CD36: variants seen among roughly 807,000 people sequenced by gnomAD.
CD36 encodes the protein CD36 molecule (CD36 blood group).
In CD36, 119 loss-of-function variants were observed where a neutral mutation model predicts 55.2. The ratio of observed to expected loss-of-function variants is 2.15; its 90% CI spans 1.86 to 2.51. The LOEUF (loss-of-function observed/expected upper bound fraction) is 2.51. Among genes scored for constraint, CD36 ranks in the 30% most tolerant of loss-of-function variants. The pLI is 0.00. For missense variants in CD36, 819 were observed against 555.5 expected, an observed-to-expected ratio of 1.47 and a Z score of -4.77; for synonymous variants, 186 against 193.6, an observed-to-expected ratio of 0.96 and a Z score of 0.33.
chr7:80,641,399 G>A (rs749512821), intron 1 of CD36, among the ~76,000 whole-genome samples: 1 of 151,982 alleles, frequency 6.6e-6, no homozygotes, highest in Non-Finnish European at 1.5e-5. Context: ...CTATACTCAT[G>A]CAAACCGTTG....
chr7:80,626,993 G>C (rs1793780250), intron 1 of CD36, among the ~76,000 whole-genome samples: 1 of 151,802 alleles, frequency 6.6e-6, no homozygotes, highest in Non-Finnish European at 1.5e-5. Flanking sequence ...TTTTATCACA[G>C]TCAATAGCAG....
At chr7:80,650,988 A>G (rs1795567568) in intron 3 of CD36, among the ~76,000 whole-genome samples, 1 of 152,120 alleles carries the variant, frequency 6.6e-6, no homozygotes. Flanking sequence ...GAAACTACCA[A>G]AGCACTGTGG....
chr7:80,645,683 C>G (rs765337921), intron 1 of CD36, among the ~76,000 whole-genome samples: 2 of 151,982 alleles, frequency 1.3e-5, no homozygotes, highest in Non-Finnish European at 2.9e-5. Context: ...ATTAGATTGA[C>G]AAATATATAC....
chr7:80,650,665 AATG>A (rs1201193647), intron 3 of CD36, among the ~76,000 whole-genome samples: 1 of 152,178 alleles, frequency 6.6e-6, no homozygotes, highest in Admixed American at 6.5e-5. Flanking sequence ...CTTAATTGAG[AATG>A]ATGAGAAAAT....
At chr7:80,634,348 C>T (rs188681526), upstream of CD36, among the ~76,000 whole-genome samples, 101 of 152,128 alleles carry the variant, frequency 6.6e-4, no homozygotes, top group Admixed American at 4.2e-3. Context: ...GCAAGTTATA[C>T]TAAAATGCTT....
chr7:80,622,140 G>A (rs548494972), intron 1 of CD36, among the ~76,000 whole-genome samples: 1 of 152,296 alleles, frequency 6.6e-6, no homozygotes, highest in South Asian at 2.1e-4. Context: ...TCAGGTGGGG[G>A]GACCACCCCT....
chr7:80,616,134 T>C (rs1793137869), intron 1 of CD36, among the ~76,000 whole-genome samples: 1 of 152,150 alleles, frequency 6.6e-6, no homozygotes, highest in African/African-American at 2.4e-5. Context: ...AAAGCTAGTG[T>C]AAGTTAAAAA....
chr7:80,672,307 C>T (rs1055898697), intron 11 of CD36, among the ~76,000 whole-genome samples: 1 of 151,770 alleles, frequency 6.6e-6, no homozygotes, highest in East Asian at 1.9e-4. Flanking sequence ...GTGAGTTTGA[C>T]TATACTTATT....
In CD36 at chr7:80,646,688, G is replaced by A; in HGVS notation, c.-53G>A. Reference sequence around the variant, plus strand: ...GTAGAAACCACTTTAATCATATCCAGGAGTTTGCAAGAAACAGGTGCTTAA... The same window carrying A: ...GTAGAAACCACTTTAATCATATCCAAGAGTTTGCAAGAAACAGGTGCTTAA... On this transcript the variant is annotated 5_prime_UTR_variant, in exon 3 of 15. Transcript: ENST00000447544. 1.2e-6 allele frequency: 2 copies of A among 1,611,090 alleles called. No homozygotes were observed. The highest frequency in any genetic ancestry group is 2.2e-5 in the East Asian group (1 of 44,774).
At chr7:80,646,539 T>C (rs1005987808) in intron 2 of CD36, 113 bp from the exon 3 acceptor site, 5 of 613,286 alleles carry the variant, frequency 8.2e-6, no homozygotes, top group South Asian at 6.1e-5. Flanking sequence ...AAGAAAAGCA[T>C]TTGTTTATTT....
chr7:80,658,054 G>A (rs556298037), intron 4 of CD36, among the ~76,000 whole-genome samples: 5 of 152,304 alleles, frequency 3.3e-5, no homozygotes, highest in African/African-American at 1.2e-4. Context: ...AAGCCCCAGA[G>A]GGCCTTGGTG....
At chr7:80,670,153 G>T in intron 9 of CD36, 131 bp downstream of exon 9, 6 of 688,604 alleles carry the variant, frequency 8.7e-6, no homozygotes, top group South Asian at 1.6e-5. Context: ...ATGTTCTTCT[G>T]CATCTTCCAA....
chr7:80,607,982 G>A (rs985906518), intron 1 of CD36, among the ~76,000 whole-genome samples: 5 of 152,002 alleles, frequency 3.3e-5, no homozygotes, highest in Non-Finnish European at 7.4e-5. Context: ...GTGTTAGCCC[G>A]GATGGTCTGC....
In CD36 at chr7:80,678,860, T is replaced by C. The variant is rs1264395787; in HGVS notation, c.*2477T>C. The C allele has an allele frequency of 6.8e-6, 1 of 147,120 alleles. No homozygotes were observed. The highest frequency in any genetic ancestry group is 1.5e-5 in the Non-Finnish European group (1 of 65,800). 9.1% of individuals were successfully genotyped at this position (147,120 alleles called of 1,614,324 possible). A position where few individuals can be genotyped will look rare whatever the true frequency, so the allele number is the denominator to read the frequency against. On this transcript the variant is annotated 3_prime_UTR_variant, in exon 15 of 15. Coordinates refer to ENST00000447544, the MANE Select transcript of CD36 (RefSeq NM_001001548.3). ...TCCATCTCAAAAAAAAAAAACAGTA[T>C]GCACGTACAAATTTCTTAACCTGTT... is the stretch of plus-strand genomic sequence containing the variant.
intron 8 of CD36, among the ~76,000 whole-genome samples, chr7:80,667,742 CTTTTGTTT>C (rs1248659743): frequency 2.2e-5 from 2 of 92,940 alleles, no homozygotes; most frequent in African/African-American, 7.7e-5. Context: ...CAGGGGTTTT[CTTTTGTTT>C]TTTTTTTTTT....
At chr7:80,666,795 C>T (rs1797134422) in intron 8 of CD36, among the ~76,000 whole-genome samples, 1 of 152,184 alleles carries the variant, frequency 6.6e-6, no homozygotes, top group South Asian at 2.1e-4. Context: ...CAACACAAAA[C>T]ACTTTAGTTA....
upstream of CD36, among the ~76,000 whole-genome samples, chr7:80,638,168 G>A (rs554543565): frequency 8.8e-4 from 134 of 151,922 alleles, no homozygotes; most frequent in Middle Eastern, 3.4e-3. Flanking sequence ...AGAATTATTA[G>A]TCTCACAGTA....
intron 1 of CD36, among the ~76,000 whole-genome samples, chr7:80,644,542 A>T (rs1170446445): frequency 6.6e-6 from 1 of 152,186 alleles, no homozygotes; most frequent in Non-Finnish European, 1.5e-5. Context: ...TATTTGTAAC[A>T]TTTATTCCTA....
rs1472046557 is a variant in CD36, at chr7:80,678,801, G to C, written c.*2418G>C. ...AGAGGTTGCAGTGAACTGAGATCGC[G>C]TCACTGCACTCCAGCCTGGTGACAG... On this transcript the variant is annotated 3_prime_UTR_variant, in exon 15 of 15. Transcript: ENST00000447544. 1 of 150,878 alleles carries C rather than the reference G, an allele frequency of 6.6e-6. No individual in the cohort carries two copies. The highest frequency in any genetic ancestry group is 2.4e-5 in the African/African-American group (1 of 41,042). 9.3% of individuals were successfully genotyped at this position (150,878 alleles called of 1,614,324 possible).
Sources: gnomAD v4.1 joint callset for allele counts (sites outside exome capture counted in the v4.1 genomes callset) on GRCh38, gnomAD v4.1.1 for gene constraint, MANE v1.5 for transcripts, NCBI Gene and HGNC (gene_info 2026-07-23, HGNC 2026-07-21) for gene names.